Variants in CCDC91 observed in about 807,000 individuals in gnomAD.
CCDC91 encodes the protein coiled-coil domain containing 91.
A neutral mutation model predicts 63.2 loss-of-function variants in CCDC91; 48 were observed. The observed-to-expected ratio is 0.76, with a 90% CI of 0.60 to 0.97. The LOEUF is 0.97. Ranked by LOEUF, CCDC91 falls within the 50% of genes least tolerant of loss-of-function variation. The probability of loss-of-function intolerance (pLI) is 0.00; values close to 1 mark genes in which losing one functional copy is unlikely to be tolerated. For missense variants in CCDC91, 500 were observed against 494.6 expected, an observed-to-expected ratio of 1.01 and a Z score of -0.10; for synonymous variants, 167 against 165.8, an observed-to-expected ratio of 1.01 and a Z score of -0.06.
intron 6 of CCDC91, among the ~76,000 whole-genome samples, chr12:28,310,697 C>T (rs188788995): frequency 3.4e-4 from 51 of 152,142 alleles, no homozygotes; most frequent in Non-Finnish European, 5.6e-4. Flanking sequence ...TTTCTATCCT[C>T]AGTCCCTTCC....
intron 8 of CCDC91, among the ~76,000 whole-genome samples, chr12:28,416,561 G>A (rs185963478): frequency 4.5e-3 from 679 of 152,176 alleles, no homozygotes; most frequent in Non-Finnish European, 7.5e-3. Context: ...ATACATCAAG[G>A]ATAGGGGGAA....
chr12:28,312,541 A>C (rs550153325), intron 6 of CCDC91, among the ~76,000 whole-genome samples: 6 of 152,184 alleles, frequency 3.9e-5, no homozygotes, highest in Admixed American at 3.9e-4. Context: ...ATAATTTCTT[A>C]GGAATAAGAG....
chr12:28,312,365 A>G (rs1662127268), intron 6 of CCDC91, among the ~76,000 whole-genome samples: 1 of 152,004 alleles, frequency 6.6e-6, no homozygotes, highest in African/African-American at 2.4e-5. Context: ...TATGTGTTAG[A>G]TATTCTGAAA....
chr12:28,340,604 A>G (rs890360539), intron 6 of CCDC91, among the ~76,000 whole-genome samples: 2 of 152,166 alleles, frequency 1.3e-5, no homozygotes, highest in Admixed American at 6.6e-5. Flanking sequence ...AGGTTTCCCT[A>G]TCCCCCTTGC....
intron 3 of CCDC91, among the ~76,000 whole-genome samples, chr12:28,275,953 G>A (rs1222951184): frequency 3.3e-5 from 5 of 151,922 alleles, no homozygotes; most frequent in Admixed American, 3.3e-4. Context: ...AATAAATTAG[G>A]TATTGATGGG....
chr12:28,383,750 C>A lies in CCDC91; in HGVS notation c.655-7554C>A, dbSNP rs552407561. 5.9e-5 allele frequency among the ~76,000 whole-genome samples: 9 copies of A among 152,178 alleles called. No homozygotes were observed. In the East Asian group the frequency reaches 1.7e-3, roughly 29 times the overall value. ...GATCATCTCTTGATGATAGATTTTA[C>A]TCATATTATTTCTTTTATATTCCAA... is the stretch of plus-strand genomic sequence containing the variant. On this transcript the variant is annotated intron_variant, in intron 7 of 12. Transcript: ENST00000536442.
At chr12:28,289,172 C>T (rs1434828302) in intron 3 of CCDC91, among the ~76,000 whole-genome samples, 1 of 151,072 alleles carries the variant, frequency 6.6e-6, no homozygotes, top group African/African-American at 2.4e-5. Flanking sequence ...TTTTTTGTCC[C>T]AGTCTCCTTG....
intron 5 of CCDC91, 96 bp downstream of exon 5, chr12:28,307,041 A>G (rs1938817008): frequency 1.0e-5 from 8 of 803,302 alleles, no homozygotes; most frequent in African/African-American, 3.5e-5. Context: ...GAGGAAGAAG[A>G]TACTTTTCTC....
chr12:28,215,582 A>G (rs1395379632), intron 1 of CCDC91, among the ~76,000 whole-genome samples: 2 of 152,162 alleles, frequency 1.3e-5, no homozygotes, highest in African/African-American at 4.8e-5. Context: ...CTTACTTCAT[A>G]ATTTGCCTTT....
intron 12 of CCDC91, among the ~76,000 whole-genome samples, chr12:28,535,978 G>A (rs538815370): frequency 8.6e-5 from 13 of 151,106 alleles, no homozygotes; most frequent in East Asian, 5.8e-4. Context: ...GCAGTCAGCC[G>A]AGATAGCACC....
chr12:28,262,168 G>C (rs1409290841), intron 3 of CCDC91, among the ~76,000 whole-genome samples: 1 of 151,968 alleles, frequency 6.6e-6, no homozygotes, highest in South Asian at 2.1e-4. Context: ...CCCCTTAAGA[G>C]ATCTAAGGCA....
intron 1 of CCDC91, among the ~76,000 whole-genome samples, chr12:28,193,857 T>G (rs1170028026): frequency 7.2e-6 from 1 of 138,956 alleles, no homozygotes; most frequent in South Asian, 2.2e-4. Flanking sequence ...CTTCTTTGAT[T>G]AAGTGTCTGC....
intron 1 of CCDC91, among the ~76,000 whole-genome samples, chr12:28,195,519 T>A (rs1271254516): frequency 1.3e-5 from 2 of 152,246 alleles, no homozygotes; most frequent in African/African-American, 4.8e-5. Context: ...GTTTGCTTTG[T>A]GGACTCTATT....
intron 3 of CCDC91, among the ~76,000 whole-genome samples, chr12:28,267,689 ATTAT>A (rs1370267684): frequency 6.3e-5 from 6 of 94,602 alleles, no homozygotes; most frequent in Non-Finnish European, 1.0e-4. Flanking sequence ...TGTTATATAA[ATTAT>A]TTATTATATA....
intron 3 of CCDC91, among the ~76,000 whole-genome samples, chr12:28,290,095 C>T (rs543047289): frequency 6.6e-6 from 1 of 152,094 alleles, no homozygotes; most frequent in South Asian, 2.1e-4. Context: ...TGCTCTATTT[C>T]TGTCAGTGGG....
intron 1 of CCDC91, among the ~76,000 whole-genome samples, chr12:28,217,622 G>A (rs1282820705): frequency 6.6e-6 from 1 of 152,052 alleles, no homozygotes; most frequent in Non-Finnish European, 1.5e-5. Context: ...AATTGTGAAA[G>A]GACTGTAGGA....
intron 12 of CCDC91, among the ~76,000 whole-genome samples, chr12:28,534,886 G>C (rs537627951): frequency 6.6e-6 from 1 of 152,308 alleles, no homozygotes; most frequent in South Asian, 2.1e-4. Flanking sequence ...GGCAAGGTTA[G>C]ACACTTAATC....
intron 8 of CCDC91, among the ~76,000 whole-genome samples, chr12:28,433,525 A>G (rs1039945958): frequency 2.6e-5 from 4 of 151,902 alleles, no homozygotes; most frequent in Non-Finnish European, 5.9e-5. Context: ...AGTTGACTAT[A>G]TGCAGTTCTA....
intron 7 of CCDC91, among the ~76,000 whole-genome samples, chr12:28,371,302 A>G (rs1420973317): frequency 1.3e-5 from 2 of 152,118 alleles, no homozygotes; most frequent in East Asian, 1.9e-4. Context: ...TCTCATAGCC[A>G]TGCAAAACCT....
Sources: allele counts gnomAD v4.1 joint callset (sites outside exome capture counted in the v4.1 genomes callset), GRCh38; gene constraint gnomAD v4.1.1; transcripts MANE v1.5; gene names NCBI Gene and HGNC (gene_info 2026-07-23, HGNC 2026-07-21).